Variants in PC observed in about 807,000 individuals in gnomAD.
PC encodes the protein pyruvate carboxylase, also known as pyruvate carboxylase, mitochondrial.
A neutral mutation model predicts 107.8 loss-of-function variants in PC; 46 were observed. The ratio of observed to expected loss-of-function variants is 0.43; its 90% CI spans 0.34 to 0.55. The LOEUF (loss-of-function observed/expected upper bound fraction) is 0.55. Ranked by LOEUF, PC falls within the 20% of genes least tolerant of loss-of-function variation. The pLI is 0.04. For missense variants in PC, 1,241 were observed against 1,643.1 expected, an observed-to-expected ratio of 0.76 and a Z score of 4.23; for synonymous variants, 662 against 684.7, an observed-to-expected ratio of 0.97 and a Z score of 0.52.
rs1486208353 is a variant in PC, at chr11:66,871,785, T to A, written c.223A>T (p.Met75Leu). Residue 75 changes from methionine to leucine, a missense_variant, in exon 5 of 23, where the codon ATG becomes TTG. Met to Leu is a conservative substitution (Grantham distance 15). This residue lies in a region of PC where 1,143 missense variants were observed against 1,551.9 expected (regional missense o/e 0.74). Coordinates refer to ENST00000393960, the MANE Select transcript of PC (RefSeq NM_001040716.2). The surrounding 1 kb of genome is among the most constrained non-coding windows in gnomAD (Gnocchi z 7.4). ...AIYSEQDTGQMHRQKADEAYL... is the reference protein window; with the variant it reads ...AIYSEQDTGQLHRQKADEAYL... ...GCTTCATCTGCTTTCTGCCGGTGCA[T>A]CTGGCCCGTGTCCTGCTCAGAGTAG... 1 of 1,605,516 alleles carries A rather than the reference T, an allele frequency of 6.2e-7. No homozygotes were observed. Among genetic ancestry groups the A allele is most frequent in the Non-Finnish European group, 8.5e-7 (1 of 1,177,358 alleles).
intron 3 of PC, among the ~76,000 whole-genome samples, chr11:66,901,858 G>T (rs1017503461): frequency 2.0e-5 from 3 of 152,176 alleles, no homozygotes; most frequent in African/African-American, 7.2e-5. Flanking sequence ...AACTTCCCTT[G>T]TTGGGTGTCT....
intron 3 of PC, among the ~76,000 whole-genome samples, chr11:66,918,773 CT>C (rs1948524740): frequency 6.6e-6 from 1 of 152,116 alleles, no homozygotes; most frequent in African/African-American, 2.4e-5. Context: ...TCCTCACCCC[CT>C]AAGCCACGCC....
chr11:66,926,625 T>C (rs1224663296), intron 3 of PC, among the ~76,000 whole-genome samples: 1 of 152,192 alleles, frequency 6.6e-6, no homozygotes, highest in Non-Finnish European at 1.5e-5. Flanking sequence ...CAGTGGTTTT[T>C]AGCATATTTA....
chr11:66,903,224 C>T (rs1948024824), intron 3 of PC, among the ~76,000 whole-genome samples: 9 of 152,114 alleles, frequency 5.9e-5, no homozygotes, highest in Admixed American at 4.6e-4. Flanking sequence ...AATCCAGAAG[C>T]GATGCATTCT....
chr11:66,912,240 G>A (rs1364906476), intron 3 of PC, among the ~76,000 whole-genome samples: 2 of 152,148 alleles, frequency 1.3e-5, no homozygotes, highest in African/African-American at 4.8e-5. Context: ...CACTGCCTTT[G>A]CACCATGGGT....
chr11:66,915,839 G>A (rs1302701411), intron 3 of PC, among the ~76,000 whole-genome samples: 2 of 152,206 alleles, frequency 1.3e-5, no homozygotes, highest in Non-Finnish European at 2.9e-5. Context: ...AATCCTCTGA[G>A]GCCCCAGATT....
At chr11:66,923,100 C>G (rs1384733699) in intron 3 of PC, among the ~76,000 whole-genome samples, 1 of 152,078 alleles carries the variant, frequency 6.6e-6, no homozygotes, top group East Asian at 1.9e-4. Flanking sequence ...GGCGCGGTGG[C>G]TCACGCCTGT....
chr11:66,906,848 C>T (rs1418033755), intron 3 of PC, among the ~76,000 whole-genome samples: 1 of 152,200 alleles, frequency 6.6e-6, no homozygotes, highest in African/African-American at 2.4e-5. Flanking sequence ...GCAGTGAGTC[C>T]TACTCAAACG....
rs1945385413 is a variant in PC, at chr11:66,850,110, G to A, written c.2725C>T (p.Pro909Ser). 1 of 1,613,744 alleles carries A rather than the reference G, an allele frequency of 6.2e-7. No individual in the cohort carries two copies. The highest frequency in any genetic ancestry group is 8.5e-7 in the Non-Finnish European group (1 of 1,180,042). Residue 909 changes from proline (P) to serine (S), a missense_variant, in exon 20 of 23, where the codon CCC (proline) becomes TCC (serine). Around this residue, in one of 2 missense-constraint regions of PC, gnomAD observed 1,143 missense variants for 1,551.9 expected, o/e 0.74. Transcript: ENST00000393960. The part of the protein sequence containing the change: ...QMLGDLIKVT[P>S]SSKIVGDLAQ... ...AGGTCCCCCACGATCTTGGAGGAGG[G>A]CGTCACCTGAGGAGAAGGCCCTGGA...
At chr11:66,859,900 T>C (rs774373947) in intron 12 of PC, 20 of 1,576,086 alleles carry the variant, frequency 1.3e-5, no homozygotes, top group Non-Finnish European at 1.6e-5. Context: ...GTGGCCTTGC[T>C]GGTTCGGGGC....
intron 3 of PC, among the ~76,000 whole-genome samples, chr11:66,929,063 C>A (rs2136107505): frequency 6.6e-6 from 1 of 152,212 alleles, no homozygotes; most frequent in Middle Eastern, 3.4e-3. Context: ...TAAGACTTAC[C>A]TAGTACCGAC....
In PC at chr11:66,870,307, T is replaced by G. The variant is rs1325157191; in HGVS notation, c.898A>C (p.Lys300Gln). The G allele has an allele frequency of 1.2e-6, 2 of 1,613,172 alleles. No homozygotes were observed. The highest frequency in any genetic ancestry group is 1.7e-6 in the Non-Finnish European group (2 of 1,179,954). ...ACGGGAAGCCCACCCTTCACCTGTTTAGCGAGTTTCACAGAGTCGCTGGTG... is the reference window on the plus strand; with the variant it reads ...ACGGGAAGCCCACCCTTCACCTGTTGAGCGAGTTTCACAGAGTCGCTGGTG... ...RLTSDSVKLA[K>Q]QVGYENAGTV... Residue 300 changes from lysine to glutamine, a missense_variant, in exon 9 of 23, where the codon AAA becomes CAA. By Grantham distance (53) the Lys-to-Gln change is moderately conservative. Coordinates refer to ENST00000393960, the MANE Select transcript of PC (RefSeq NM_001040716.2). This position sits in a 1 kb window ranked among gnomAD's most constrained non-coding sequence, Gnocchi z 6.1.
At chr11:66,914,250 G>A (rs755702736) in intron 3 of PC, among the ~76,000 whole-genome samples, 4 of 152,172 alleles carry the variant, frequency 2.6e-5, no homozygotes, top group Non-Finnish European at 5.9e-5. Flanking sequence ...GGTGGCTAAC[G>A]CCTGTAATCC....
At chr11:66,863,647 C>T (rs1946369152) in intron 12 of PC, 127 bp downstream of exon 12, 1 of 1,032,732 alleles carries the variant, frequency 9.7e-7, no homozygotes, top group East Asian at 2.4e-5. Flanking sequence ...GAGCCACTGA[C>T]CTCGACCCAT....
chr11:66,852,336 T>A lies in PC; in HGVS notation c.1825+103A>T. 1 of 984,786 alleles carries A rather than the reference T, an allele frequency of 1.0e-6. No individual in the cohort carries two copies. Among genetic ancestry groups the A allele is most frequent in the Non-Finnish European group, 1.6e-6 (1 of 618,844 alleles). The allele number at this position is 984,786 out of a possible 1,614,324, so 61.0% of individuals were successfully genotyped here. On this transcript the variant is annotated intron_variant, in intron 15 of 22. Coordinates refer to ENST00000393960, the MANE Select transcript of PC (RefSeq NM_001040716.2). The surrounding 1 kb of genome is among the most constrained non-coding windows in gnomAD (Gnocchi z 4.7). ...TTCGGTCCTTCCTCTTTGGTGTTCTTCGTGTCAGCGTCTCTAGCTTGTCCC... is the reference window on the plus strand; with the variant it reads ...TTCGGTCCTTCCTCTTTGGTGTTCTACGTGTCAGCGTCTCTAGCTTGTCCC...
At chr11:66,909,091 G>A (rs1032552928) in intron 3 of PC, among the ~76,000 whole-genome samples, 1 of 152,220 alleles carries the variant, frequency 6.6e-6, no homozygotes, top group Non-Finnish European at 1.5e-5. Context: ...GAAAGTCCCT[G>A]TTCCCCGTGT....
At chr11:66,927,731 A>G (rs1591293244) in intron 3 of PC, among the ~76,000 whole-genome samples, 1 of 151,994 alleles carries the variant, frequency 6.6e-6, no homozygotes, top group African/African-American at 2.4e-5. Flanking sequence ...CTCAAAAAAA[A>G]AAAAAAAAGA....
chr11:66,871,405 C>T lies in PC; in HGVS notation c.397G>A (p.Asp133Asn). The change falls in exon 6 of 23, where the codon GAT becomes AAT. Residue 133 changes from aspartate (D) to asparagine (N), a missense_variant. Asp to Asn is a conservative substitution (Grantham distance 23). This residue lies in a region of PC where 1,143 missense variants were observed against 1,551.9 expected (regional missense o/e 0.74). Transcript: ENST00000393960. This position sits in a 1 kb window ranked among gnomAD's most constrained non-coding sequence, Gnocchi z 7.4. Reference protein sequence around the residue: ...ERADFAQACQDAGVRFIGPSP... With the variant: ...ERADFAQACQNAGVRFIGPSP... The stretch of plus-strand genomic sequence containing the variant: ...GGCCCAATAAACCGGACCCCTGCAT[C>T]CTGGCAGGCCTGGGCGAAGTCCGCT... 6.2e-7 allele frequency: 1 copy of T among 1,613,688 alleles called. No homozygotes were observed. Among genetic ancestry groups the T allele is most frequent in the Non-Finnish European group, 8.5e-7 (1 of 1,180,038 alleles).
intron 17 of PC, 34 bp from the exon 18 acceptor site, chr11:66,850,957 G>A (rs1035356029): frequency 1.4e-5 from 22 of 1,607,280 alleles, no homozygotes; most frequent in Non-Finnish European, 1.8e-5. Flanking sequence ...GAGAGAGATG[G>A]TAGAGAGGGC....
Sources: allele counts gnomAD v4.1 joint callset (sites outside exome capture counted in the v4.1 genomes callset), GRCh38; gene constraint gnomAD v4.1.1; regional missense constraint gnomAD v4.1.1; non-coding constraint Gnocchi (gnomAD v3.1); transcripts MANE v1.5; gene names NCBI Gene and HGNC (gene_info 2026-07-23, HGNC 2026-07-21).